Variants in PLG observed in about 807,000 individuals in gnomAD.
PLG encodes plasmin.
A neutral mutation model predicts 104.4 loss-of-function variants in PLG; 41 were observed. The ratio of observed to expected loss-of-function variants is 0.39; its 90% CI spans 0.31 to 0.51. PLG has a LOEUF of 0.51. PLG is among the 20% of genes least tolerant of loss of function. The pLI is 0.76. For synonymous variants in PLG, 337 were observed against 357.1 expected, an observed-to-expected ratio of 0.94 and a Z score of 0.63; for missense variants, 891 against 1,003.6, an observed-to-expected ratio of 0.89 and a Z score of 1.52.
intron 4 of PLG, chr6:160,711,836 A>G (rs1777649123): frequency 6.9e-7 from 1 of 1,452,598 alleles, no homozygotes. Context: ...CAAATTGTGG[A>G]GCAAAAGAGT....
At chr6:160,720,728 G>A (rs756205321) in intron 9 of PLG, among the ~76,000 whole-genome samples, 48 of 152,058 alleles carry the variant, frequency 3.2e-4, no homozygotes, top group Non-Finnish European at 4.9e-4. Context: ...CTAGATTGTT[G>A]ATTTTCATTG....
Position 160,726,588 on chromosome 6 carries a change from T to A in PLG, c.1256+4021T>A, listed in dbSNP as rs202129125. On this transcript the variant is annotated intron_variant, in intron 10 of 18. Coordinates refer to ENST00000308192, the MANE Select transcript of PLG (RefSeq NM_000301.5). The surrounding 1 kb of genome is among the most constrained non-coding windows in gnomAD (Gnocchi z 4.4). Reference sequence around the variant, plus strand: ...TATGAGGTTAAAACACCTTTAAATTTAAAAAAAAAAGATTTTATTTGCTAT... The same window carrying A: ...TATGAGGTTAAAACACCTTTAAATTAAAAAAAAAAAGATTTTATTTGCTAT... Among the ~76,000 whole-genome samples, 14,191 of 149,980 alleles carry A rather than the reference T, an allele frequency of 0.095. 1,502 individuals are homozygous for A. Among genetic ancestry groups the A allele is most frequent in the Middle Eastern group, 0.28 (81 of 294 alleles).
intron 1 of PLG, among the ~76,000 whole-genome samples, chr6:160,704,967 C>G (rs1248710933): frequency 1.3e-5 from 2 of 152,184 alleles, no homozygotes; most frequent in African/African-American, 2.4e-5. Context: ...CTTTCAGAAC[C>G]TCCCCTGACC....
At position 160,707,709 on chromosome 6, in the gene PLG, A is replaced by T; in HGVS notation, c.195A>T (p.Gln65His). 2 of 1,610,388 alleles carry T rather than the reference A, an allele frequency of 1.2e-6. No homozygotes were observed. Among genetic ancestry groups the T allele is most frequent in the Non-Finnish European group, 1.7e-6 (2 of 1,178,346 alleles). ...EDEEFTCRAF[Q>H]YHSKEQQCVI... is the part of the protein sequence containing the mutation. Reference sequence around the variant, plus strand: ...CTGCTTCGTTCTGCAGGGCATTCCAATATCACAGTAAAGAGCAACAATGTG... The same window carrying T: ...CTGCTTCGTTCTGCAGGGCATTCCATTATCACAGTAAAGAGCAACAATGTG... The change falls in exon 3 of 19, where the codon CAA (glutamine) becomes CAT (histidine). Residue 65 changes from glutamine (Q) to histidine (H), a missense_variant. By Grantham distance (24) the Gln-to-His change is conservative (BLOSUM62 0). This residue lies in a region of PLG where 854 missense variants were observed against 932.1 expected (regional missense o/e 0.92). Coordinates refer to ENST00000308192, the MANE Select transcript of PLG (RefSeq NM_000301.5).
At chr6:160,713,354 T>C (rs1777678066) in intron 5 of PLG, 1 of 469,044 alleles carries the variant, frequency 2.1e-6, no homozygotes, top group Middle Eastern at 6.4e-4. Flanking sequence ...CACCACAACC[T>C]CCGCCTCCGG....
At position 160,726,412 on chromosome 6, in the gene PLG, G is replaced by A. The variant is rs1034465114; in HGVS notation, c.1256+3845G>A. ...GTAAAAATACAACATATCAAAGTTCGTATGATGCAGCGAATGTTTTTAGGG... is the reference window on the plus strand; with the variant it reads ...GTAAAAATACAACATATCAAAGTTCATATGATGCAGCGAATGTTTTTAGGG... On this transcript the variant is annotated intron_variant, in intron 10 of 18. Coordinates refer to ENST00000308192, the MANE Select transcript of PLG (RefSeq NM_000301.5). The surrounding 1 kb of genome is among the most constrained non-coding windows in gnomAD (Gnocchi z 4.4). 1.3e-5 allele frequency among the ~76,000 whole-genome samples: 2 copies of A among 152,040 alleles called. No individual in the cohort carries two copies. The highest frequency in any genetic ancestry group is 4.8e-5 in the African/African-American group (2 of 41,522).
chr6:160,707,700 G>T lies in PLG; in HGVS notation c.186G>T (p.Arg62Ser). The T allele has an allele frequency of 6.2e-7, 1 of 1,607,236 alleles. No individual in the cohort carries two copies. Among genetic ancestry groups the T allele is most frequent in the Non-Finnish European group, 8.5e-7 (1 of 1,175,616 alleles). The change falls in exon 3 of 19, where the codon AGG (arginine) becomes AGT (serine). Residue 62 changes from arginine (R) to serine (S), a missense_variant and splice_region_variant. Physicochemically the swap from Arg to Ser is moderately radical, Grantham distance 110. Around this residue, in one of 2 missense-constraint regions of PLG, gnomAD observed 854 missense variants for 932.1 expected, o/e 0.92. Transcript: ENST00000308192. ...TTGGATTTCCTGCTTCGTTCTGCAG[G>T]GCATTCCAATATCACAGTAAAGAGC... ...KCEEDEEFTC[R>S]AFQYHSKEQQ... is the part of the protein sequence containing the mutation.
At position 160,748,873 on chromosome 6, in the gene PLG, C is replaced by A. The variant is rs1268286557; in HGVS notation, c.2126-3242C>A. Reference sequence around the variant, plus strand: ...CTCTCCCCATTACACAAACAATAGTCTTCCAGCTCTGAGAGGTCGAACTTG... The same window carrying A: ...CTCTCCCCATTACACAAACAATAGTATTCCAGCTCTGAGAGGTCGAACTTG... On this transcript the variant is annotated intron_variant, in intron 17 of 18. Coordinates refer to ENST00000308192, the MANE Select transcript of PLG (RefSeq NM_000301.5). 2.0e-5 allele frequency among the ~76,000 whole-genome samples: 3 copies of A among 152,172 alleles called. No individual in the cohort carries two copies. The East Asian group carries it at 5.8e-4, about 29-fold the overall frequency.
chr6:160,705,141 GC>G (rs1165835231), intron 1 of PLG, among the ~76,000 whole-genome samples: 15 of 152,094 alleles, frequency 9.9e-5, no homozygotes, highest in Non-Finnish European at 4.4e-5. Context: ...CATGGAGCTT[GC>G]CTGTCTTCAT....
chr6:160,706,374 AC>A, intron 1 of PLG, 32 bp from the exon 2 acceptor site: 6 of 1,611,112 alleles, frequency 3.7e-6, no homozygotes, highest in Non-Finnish European at 5.1e-6. Context: ...TGATTTACTG[AC>A]CATTTATTCC....
At position 160,737,779 on chromosome 6, in the gene PLG, C is replaced by T. The variant is rs1778111814; in HGVS notation, c.1803-759C>T. 6.6e-6 allele frequency among the ~76,000 whole-genome samples: 1 copy of T among 152,158 alleles called. No individual in the cohort carries two copies. The highest frequency in any genetic ancestry group is 2.4e-5 in the African/African-American group (1 of 41,432). ...GTGAAATGCCATCGACAAACCTGAT[C>T]GCATTGCATTTCACTCTGCTGTTGA... On this transcript the variant is annotated intron_variant, in intron 14 of 18. Coordinates refer to ENST00000308192, the MANE Select transcript of PLG (RefSeq NM_000301.5). This position sits in a 1 kb window ranked among gnomAD's most constrained non-coding sequence, Gnocchi z 4.7.
chr6:160,752,384 T>C lies in PLG; in HGVS notation c.2271+124T>C. On this transcript the variant is annotated intron_variant, in intron 18 of 18. Coordinates refer to ENST00000308192, the MANE Select transcript of PLG (RefSeq NM_000301.5). The surrounding 1 kb of genome is among the most constrained non-coding windows in gnomAD (Gnocchi z 4.7). The stretch of plus-strand genomic sequence containing the variant: ...CAACCGAAGACCCCAGTCTAAGTGT[T>C]GTTTAGAAACTTCCTAGATCTGTCC... 1 of 851,146 alleles carries C rather than the reference T, an allele frequency of 1.2e-6. No individual in the cohort carries two copies. The highest frequency in any genetic ancestry group is 2.0e-6 in the Non-Finnish European group (1 of 504,960). 52.7% of individuals were successfully genotyped at this position (851,146 alleles called of 1,614,324 possible).
At chr6:160,713,885 A>C (rs918905623) in intron 5 of PLG, among the ~76,000 whole-genome samples, 2 of 152,224 alleles carry the variant, frequency 1.3e-5, no homozygotes, top group African/African-American at 4.8e-5. Context: ...TTTTAAAAAA[A>C]TCCTACTGAA....
Position 160,752,291 on chromosome 6 carries a change from C to A in PLG, c.2271+31C>A. 2 of 1,597,588 alleles carry A rather than the reference C, an allele frequency of 1.3e-6. No individual in the cohort carries two copies. Among genetic ancestry groups the A allele is most frequent in the Non-Finnish European group, 8.6e-7 (1 of 1,165,096 alleles). ...CAAAGATCAAGAGACCAAAGTTAGTCTTGTGCTCTCTTGTCTCAGTCTCAG... is the reference window on the plus strand; with the variant it reads ...CAAAGATCAAGAGACCAAAGTTAGTATTGTGCTCTCTTGTCTCAGTCTCAG... On this transcript the variant is annotated intron_variant, in intron 18 of 18. Coordinates refer to ENST00000308192, the MANE Select transcript of PLG (RefSeq NM_000301.5). This position sits in a 1 kb window ranked among gnomAD's most constrained non-coding sequence, Gnocchi z 4.7.
At chr6:160,710,484 G>A (rs57539649) in intron 3 of PLG, among the ~76,000 whole-genome samples, 48,422 of 150,254 alleles carry the variant, frequency 0.32, 8,848 homozygotes, top group Middle Eastern at 0.49. Context: ...GAGAGGGCCC[G>A]TTGTCTAACT....
intron 17 of PLG, among the ~76,000 whole-genome samples, chr6:160,748,352 G>GAAAC (rs1412698748): frequency 4.0e-5 from 1 of 25,184 alleles, no homozygotes; most frequent in African/African-American, 1.3e-4. Context: ...AAAAGAAAGA[G>GAAAC]AAAGAAAGAA....
Position 160,737,131 on chromosome 6 carries a change from G to A in PLG, c.1802+124G>A. 1 of 1,183,998 alleles carries A rather than the reference G, an allele frequency of 8.4e-7. No individual in the cohort carries two copies. The highest frequency in any genetic ancestry group is 1.4e-5 in the South Asian group (1 of 69,282). The allele number at this position is 1,183,998 out of a possible 1,614,324, so 73.3% of individuals were successfully genotyped here. ...ACCTGCCTCTAAGTTTTCTGAAGGA[G>A]GAAAAAAGCTACAAAAATTAATATA... On this transcript the variant is annotated intron_variant, in intron 14 of 18. Coordinates refer to ENST00000308192, the MANE Select transcript of PLG (RefSeq NM_000301.5). The surrounding 1 kb of genome is among the most constrained non-coding windows in gnomAD (Gnocchi z 4.7).
Position 160,716,736 on chromosome 6 carries a change from T to A in PLG, c.760T>A (p.Trp254Arg). 6.2e-7 allele frequency: 1 copy of A among 1,611,110 alleles called. No homozygotes were observed. Among genetic ancestry groups the A allele is most frequent in the Non-Finnish European group, 8.5e-7 (1 of 1,177,222 alleles). Residue 254 changes from tryptophan to arginine, a missense_variant, in exon 7 of 19, where the codon TGG becomes AGG. Transcript: ENST00000308192. ...TTTCACCACCGACCCCAACAAGCGC[T>A]GGGAACTTTGTGACATCCCCCGCTG... ...WCFTTDPNKR[W>R]ELCDIPRCTT...
intron 7 of PLG, among the ~76,000 whole-genome samples, chr6:160,717,542 AG>A (rs1777757185): frequency 6.6e-6 from 1 of 150,910 alleles, no homozygotes; most frequent in African/African-American, 2.4e-5. Flanking sequence ...TTTTCCTTGG[AG>A]GTGTTTTTTG....
Sources: allele counts gnomAD v4.1 joint callset (sites outside exome capture counted in the v4.1 genomes callset), GRCh38; gene constraint gnomAD v4.1.1; regional missense constraint gnomAD v4.1.1; non-coding constraint Gnocchi (gnomAD v3.1); transcripts MANE v1.5; gene names NCBI Gene and HGNC (gene_info 2026-07-23, HGNC 2026-07-21).